Variants in SLC37A1 observed in about 807,000 individuals in gnomAD.
SLC37A1 encodes the protein solute carrier family 37 member 1.
In SLC37A1, 49 loss-of-function variants were observed where a neutral mutation model predicts 75.3. That is an observed-to-expected ratio of 0.65 (90% CI 0.52 to 0.83). The LOEUF (loss-of-function observed/expected upper bound fraction) is 0.83. Among genes scored for constraint, SLC37A1 ranks in the 40% least tolerant of loss-of-function variants. SLC37A1 has a pLI of 0.00. For missense variants in SLC37A1, 566 were observed against 695.0 expected (o/e 0.81, Z 2.09); for synonymous variants, 268 against 292.1 (o/e 0.92, Z 0.84).
At chr21:42,551,575 A>T (rs2055558063) in intron 9 of SLC37A1, among the ~76,000 whole-genome samples, 1 of 152,262 alleles carries the variant, frequency 6.6e-6, no homozygotes, top group Non-Finnish European at 1.5e-5. Context: ...ACATTAAATG[A>T]GTGAATGGTA....
At chr21:42,517,559 C>T (rs960024213) in intron 1 of SLC37A1, among the ~76,000 whole-genome samples, 12 of 152,162 alleles carry the variant, frequency 7.9e-5, no homozygotes, top group African/African-American at 2.4e-4. Context: ...CTTTGGAGGA[C>T]GCAGTGACTC....
chr21:42,565,060 C>G (rs896103495), intron 14 of SLC37A1, among the ~76,000 whole-genome samples: 1 of 152,284 alleles, frequency 6.6e-6, no homozygotes, highest in Non-Finnish European at 1.5e-5. Flanking sequence ...TTGCCCCAGA[C>G]AAGCTCCTGC....
intron 3 of SLC37A1, among the ~76,000 whole-genome samples, chr21:42,526,643 C>T (rs375132520): frequency 1.2e-4 from 19 of 152,266 alleles, no homozygotes; most frequent in South Asian, 6.2e-4. Context: ...CAGCCCTGGT[C>T]GGCAGAGGCA....
At chr21:42,546,459 G>A (rs2055409446) in intron 8 of SLC37A1, among the ~76,000 whole-genome samples, 1 of 152,206 alleles carries the variant, frequency 6.6e-6, no homozygotes, top group African/African-American at 2.4e-5. Flanking sequence ...TGCTTTTCCT[G>A]GTTTTGCTTT....
intron 2 of SLC37A1, among the ~76,000 whole-genome samples, chr21:42,521,954 A>G (rs546902499): frequency 1.3e-5 from 2 of 152,224 alleles, no homozygotes; most frequent in Non-Finnish European, 2.9e-5. Flanking sequence ...AAGTGTCAGC[A>G]GGGCCACACT....
At chr21:42,502,618 T>C (rs2054350281) in intron 2 of SLC37A1, 1 of 152,254 alleles carries the variant, frequency 6.6e-6, no homozygotes, top group Non-Finnish European at 1.5e-5. Flanking sequence ...TATGTTGTTT[T>C]CTCTTTCTGA....
chr21:42,529,224 C>T (rs575042707), intron 3 of SLC37A1, among the ~76,000 whole-genome samples: 6 of 152,186 alleles, frequency 3.9e-5, no homozygotes, highest in African/African-American at 4.8e-5. Context: ...TAAATGGTGT[C>T]GGCACAACTG....
intron 3 of SLC37A1, among the ~76,000 whole-genome samples, chr21:42,531,217 C>T (rs1339873547): frequency 1.3e-5 from 2 of 152,102 alleles, no homozygotes; most frequent in Admixed American, 1.3e-4. Context: ...CTCCCGGCCC[C>T]GCCGCCTTCC....
chr21:42,529,998 T>C (rs2146793050), intron 3 of SLC37A1, among the ~76,000 whole-genome samples: 1 of 152,024 alleles, frequency 6.6e-6, no homozygotes, highest in East Asian at 1.9e-4. Context: ...AATATCTTCA[T>C]AAGCATCTTT....
intron 13 of SLC37A1, 127 bp downstream of exon 13, chr21:42,564,004 A>G (rs1433008925): frequency 1.9e-5 from 21 of 1,087,280 alleles, no homozygotes; most frequent in Non-Finnish European, 2.7e-5. Flanking sequence ...GCCCAGCCCA[A>G]GAGGGTCAGG....
chr21:42,539,754 T>C (rs903632859), intron 6 of SLC37A1, 107 bp downstream of exon 6: 5 of 1,168,204 alleles, frequency 4.3e-6, no homozygotes, highest in Non-Finnish European at 5.8e-6. Context: ...GGGGCAGAAG[T>C]GCGTCCTGTC....
chr21:42,527,115 T>A (rs760271588), intron 3 of SLC37A1, among the ~76,000 whole-genome samples: 54 of 152,106 alleles, frequency 3.6e-4, no homozygotes, highest in Non-Finnish European at 6.3e-4. Context: ...CTAGAAAGGT[T>A]GGGTGTGGAT....
intron 3 of SLC37A1, among the ~76,000 whole-genome samples, chr21:42,533,562 T>C (rs1047169327): frequency 1.3e-5 from 2 of 151,230 alleles, no homozygotes; most frequent in African/African-American, 2.4e-5. Context: ...AGAGCCCACT[T>C]AGGCCCCTCT....
At chr21:42,505,030 A>G (rs1222614035) in intron 2 of SLC37A1, among the ~76,000 whole-genome samples, 3 of 152,162 alleles carry the variant, frequency 2.0e-5, no homozygotes, top group Non-Finnish European at 4.4e-5. Context: ...TCAGGACACC[A>G]TCATTTTCTG....
intron 16 of SLC37A1, among the ~76,000 whole-genome samples, chr21:42,567,633 T>G (rs77880500): frequency 6.6e-6 from 1 of 152,164 alleles, no homozygotes; most frequent in African/African-American, 2.4e-5. Flanking sequence ...TCTGGATGAT[T>G]TTCATATTGT....
intron 18 of SLC37A1, chr21:42,575,306 G>C: frequency 2.0e-6 from 2 of 985,484 alleles, no homozygotes; most frequent in Non-Finnish European, 2.4e-6. Context: ...TAAAGCAGAT[G>C]ATACACAGAG....
chr21:42,565,333 G>C (rs1053164546), intron 14 of SLC37A1, among the ~76,000 whole-genome samples: 3 of 152,268 alleles, frequency 2.0e-5, no homozygotes, highest in Non-Finnish European at 4.4e-5. Context: ...GGACGCTGTA[G>C]CTCTGCGCGT....
At position 42,522,217 on chromosome 21, in the gene SLC37A1, C is replaced by G. The variant is rs114777223; in HGVS notation, c.57-3559C>G. Among the ~76,000 whole-genome samples, 290 of 152,338 alleles carry G rather than the reference C, an allele frequency of 1.9e-3. 1 individual carries two copies. Among genetic ancestry groups the G allele is most frequent in the African/African-American group, 6.7e-3 (280 of 41,580 alleles). ...CCCTATTTCCAAATAAGGTCACGTT[C>G]TGAGGTTTTGGGTGGACATGAAATT... On this transcript the variant is annotated intron_variant, in intron 2 of 19. Transcript: ENST00000352133.
intron 3 of SLC37A1, among the ~76,000 whole-genome samples, chr21:42,530,654 A>ACACACACACACACACACACAC (rs1161313598): frequency 3.3e-4 from 12 of 35,880 alleles, no homozygotes; most frequent in Admixed American, 1.1e-3. Context: ...ACACACACAC[A>ACACACACACACACACACACAC]CCCCCTCTGT....
Sources: allele counts gnomAD v4.1 joint callset (sites outside exome capture counted in the v4.1 genomes callset), GRCh38; gene constraint gnomAD v4.1.1; transcripts MANE v1.5; gene names NCBI Gene and HGNC (gene_info 2026-07-23, HGNC 2026-07-21).